Variants in MARCHF11 observed in about 807,000 individuals in gnomAD.
The protein encoded by MARCHF11 is membrane associated ring-CH-type finger 11.
MARCHF11 carries 29 observed loss-of-function variants against 37.3 expected under a neutral mutation model. That is an observed-to-expected ratio of 0.78 (90% CI 0.58 to 1.06). MARCHF11 has a LOEUF of 1.06. Among genes scored for constraint, MARCHF11 ranks in the 50% least tolerant of loss-of-function variants. The probability of loss-of-function intolerance (pLI) is 0.00; values close to 1 mark genes in which losing one functional copy is unlikely to be tolerated. For synonymous variants in MARCHF11, 233 were observed against 228.0 expected (o/e 1.02, Z -0.20); for missense variants, 482 against 533.4 (o/e 0.90, Z 0.95).
intron 2 of MARCHF11, among the ~76,000 whole-genome samples, chr5:16,167,495 C>T (rs1453921382): frequency 1.3e-5 from 2 of 152,050 alleles, no homozygotes; most frequent in African/African-American, 4.8e-5. Context: ...TCTAGTCAGG[C>T]TTTGAACTGA....
chr5:16,131,924 C>T (rs566512425), intron 2 of MARCHF11, among the ~76,000 whole-genome samples: 110 of 152,160 alleles, frequency 7.2e-4, no homozygotes, highest in Admixed American at 1.2e-3. Flanking sequence ...GTAGCAGGTG[C>T]TCTGTGGTAA....
At chr5:16,154,965 C>G (rs1737944054) in intron 2 of MARCHF11, among the ~76,000 whole-genome samples, 1 of 151,776 alleles carries the variant, frequency 6.6e-6, no homozygotes, top group African/African-American at 2.4e-5. Flanking sequence ...ATATTCAAAA[C>G]CCAACATTCC....
At chr5:16,081,068 C>T (rs376851101) in intron 3 of MARCHF11, among the ~76,000 whole-genome samples, 95 of 152,258 alleles carry the variant, frequency 6.2e-4, no homozygotes, top group African/African-American at 2.0e-3. Context: ...TTGCCTCTCT[C>T]GGGGCCCCAT....
At chr5:16,169,698 G>T (rs899895342) in intron 2 of MARCHF11, among the ~76,000 whole-genome samples, 28 of 152,122 alleles carry the variant, frequency 1.8e-4, no homozygotes, top group Admixed American at 9.8e-4. Context: ...GGAAGATGTT[G>T]TCAGATATCC....
At chr5:16,082,672 C>T (rs1341610648) in intron 3 of MARCHF11, among the ~76,000 whole-genome samples, 1 of 152,126 alleles carries the variant, frequency 6.6e-6, no homozygotes, top group Admixed American at 6.5e-5. Context: ...GGGTGATATA[C>T]TTCTGTCTGG....
In MARCHF11 at chr5:16,179,745, C is replaced by A; in HGVS notation, c.-170G>T. Reference sequence around the variant, plus strand: ...GGGGATGCGGAAGGTTCTGCAGCTGCGGCGGCGGCAGGCGCGGCCGTTCGG... The same window carrying A: ...GGGGATGCGGAAGGTTCTGCAGCTGAGGCGGCGGCAGGCGCGGCCGTTCGG... On this transcript the variant is annotated 5_prime_UTR_variant, in exon 1 of 4. Transcript: ENST00000332432. The A allele has an allele frequency of 3.0e-6, 1 of 335,646 alleles. No individual in the cohort carries two copies. The highest frequency in any genetic ancestry group is 4.7e-6 in the Non-Finnish European group (1 of 211,618). 20.8% of individuals were successfully genotyped at this position (335,646 alleles called of 1,614,324 possible).
At chr5:16,098,037 T>A (rs1329614061) in intron 2 of MARCHF11, among the ~76,000 whole-genome samples, 2 of 151,976 alleles carry the variant, frequency 1.3e-5, no homozygotes, top group Non-Finnish European at 2.9e-5. Flanking sequence ...CAATATAACA[T>A]CCAAATAGCA....
chr5:16,085,019 T>C (rs544495726), intron 3 of MARCHF11, among the ~76,000 whole-genome samples: 12 of 152,172 alleles, frequency 7.9e-5, no homozygotes, highest in Admixed American at 5.9e-4. Flanking sequence ...TGTGCGCCTA[T>C]ATCTCTTCCA....
At chr5:16,111,227 G>A (rs1400419075) in intron 2 of MARCHF11, among the ~76,000 whole-genome samples, 1 of 152,210 alleles carries the variant, frequency 6.6e-6, no homozygotes, top group Non-Finnish European at 1.5e-5. Flanking sequence ...CTGGGTAACA[G>A]GCAGAGGTTG....
At chr5:16,116,809 C>A (rs577786472) in intron 2 of MARCHF11, among the ~76,000 whole-genome samples, 2 of 152,172 alleles carry the variant, frequency 1.3e-5, no homozygotes, top group African/African-American at 4.8e-5. Context: ...AATGCATGAA[C>A]AGCATCTTTA....
chr5:16,134,668 A>G (rs1264812388), intron 2 of MARCHF11, among the ~76,000 whole-genome samples: 2 of 152,186 alleles, frequency 1.3e-5, no homozygotes, highest in African/African-American at 4.8e-5. Context: ...CTCAAACCCT[A>G]TCTTAATGAA....
chr5:16,175,937 A>C (rs900007652), intron 2 of MARCHF11, among the ~76,000 whole-genome samples: 1 of 152,242 alleles, frequency 6.6e-6, no homozygotes, highest in Admixed American at 6.5e-5. Context: ...TAATAGTACC[A>C]GATTAGTTTT....
At chr5:16,108,546 T>A (rs1448920403) in intron 2 of MARCHF11, among the ~76,000 whole-genome samples, 1 of 152,102 alleles carries the variant, frequency 6.6e-6, no homozygotes, top group African/African-American at 2.4e-5. Flanking sequence ...AGGAAGGGAT[T>A]GTGGGAGGCA....
In MARCHF11 at chr5:16,067,729, C is replaced by A; in HGVS notation, c.951G>T (p.Leu317Phe). ...TGTCATAATTTAACACATCCCAGTGCAAATTCACAGCTCGCCAGCGCTTAA... is the reference window on the plus strand; with the variant it reads ...TGTCATAATTTAACACATCCCAGTGAAAATTCACAGCTCGCCAGCGCTTAA... The part of the protein sequence containing the change: ...RVFKRWRAVN[L>F]HWDVLNYDKA... The change falls in exon 4 of 4, where the codon TTG (leucine) becomes TTT (phenylalanine). Residue 317 changes from leucine to phenylalanine, a missense_variant. Leu to Phe is a conservative substitution (Grantham distance 22, BLOSUM62 0). Coordinates refer to ENST00000332432, the MANE Select transcript of MARCHF11 (RefSeq NM_001102562.3). 1 of 1,613,876 alleles carries A rather than the reference C, an allele frequency of 6.2e-7. No individual in the cohort carries two copies. Among genetic ancestry groups the A allele is most frequent in the South Asian group, 1.1e-5 (1 of 91,076 alleles).
intron 3 of MARCHF11, among the ~76,000 whole-genome samples, chr5:16,072,657 C>T (rs1049450631): frequency 6.6e-6 from 1 of 152,060 alleles, no homozygotes; most frequent in Non-Finnish European, 1.5e-5. Flanking sequence ...AAATATCTGC[C>T]ACAAGTTGTG....
chr5:16,157,543 G>A (rs1737997641), intron 2 of MARCHF11, among the ~76,000 whole-genome samples: 1 of 151,570 alleles, frequency 6.6e-6, no homozygotes, highest in Non-Finnish European at 1.5e-5. Flanking sequence ...ATACGTCCAT[G>A]ATTAACTGGT....
intron 3 of MARCHF11, among the ~76,000 whole-genome samples, chr5:16,084,981 G>A (rs1736671520): frequency 7.2e-6 from 1 of 138,148 alleles, no homozygotes; most frequent in Non-Finnish European, 1.5e-5. Context: ...GGATCAATCA[G>A]GGATCAGAGT....
At chr5:16,081,144 C>T (rs764663480) in intron 3 of MARCHF11, among the ~76,000 whole-genome samples, 3 of 152,180 alleles carry the variant, frequency 2.0e-5, no homozygotes, top group African/African-American at 7.2e-5. Flanking sequence ...TGTAATTAAC[C>T]TTCCCCATTA....
chr5:16,112,391 A>C (rs1737158351), intron 2 of MARCHF11, among the ~76,000 whole-genome samples: 1 of 152,206 alleles, frequency 6.6e-6, no homozygotes, highest in Non-Finnish European at 1.5e-5. Context: ...TGAGACATGA[A>C]GTCAAAGGAG....
Sources: gnomAD v4.1 joint callset for allele counts (sites outside exome capture counted in the v4.1 genomes callset) on GRCh38, gnomAD v4.1.1 for gene constraint, MANE v1.5 for transcripts, NCBI Gene and HGNC (gene_info 2026-07-23, HGNC 2026-07-21) for gene names.